Variants in CDO1 observed in about 807,000 individuals in gnomAD.
The protein encoded by CDO1 is cysteine dioxygenase type 1.
CDO1 carries 19 observed loss-of-function variants against 24.5 expected under a neutral mutation model. That is an observed-to-expected ratio of 0.77 (90% CI 0.54 to 1.14). CDO1 has a LOEUF of 1.14. CDO1 is among the 50% of genes most tolerant of loss of function. CDO1 has a pLI of 0.00. For missense variants in CDO1, 244 were observed against 244.8 expected (o/e 1.00, Z 0.02); for synonymous variants, 91 against 87.0 (o/e 1.05, Z -0.26).
chr5:115,812,282 A>C (rs1209358495), intron 2 of CDO1, among the ~76,000 whole-genome samples: 1 of 152,180 alleles, frequency 6.6e-6, no homozygotes, highest in African/African-American at 2.4e-5. Context: ...ATGGATCTAA[A>C]TTATTGCTTT....
At chr5:115,813,297 T>G (rs1580545067) in intron 1 of CDO1, 39 bp from the exon 2 acceptor site, 1 of 1,137,436 alleles carries the variant, frequency 8.8e-7, no homozygotes, top group Non-Finnish European at 1.3e-6. Context: ...TTAAGTTCGT[T>G]GCTGAAACAA....
intron 3 of CDO1, among the ~76,000 whole-genome samples, chr5:115,807,635 T>C (rs1393448364): frequency 7.4e-6 from 1 of 135,870 alleles, no homozygotes; most frequent in Non-Finnish European, 1.6e-5. Context: ...TGAGGAAGAC[T>C]CAAAGAACAA....
chr5:115,816,414 TGC>T lies in CDO1; in HGVS notation c.-19_-18del. On this transcript the variant is annotated 5_prime_UTR_variant, in exon 1 of 5. Coordinates refer to ENST00000250535, the MANE Select transcript of CDO1 (RefSeq NM_001801.3). Reference sequence around the variant, plus strand: ...CTGTTCCATCTCGTGGGGAGCTGGCTGCGCGCGCGTCTCACTGCTGGGCTGCG... The same window carrying T: ...CTGTTCCATCTCGTGGGGAGCTGGCTGCGCGCGTCTCACTGCTGGGCTGCG... 1 of 1,610,194 alleles carries T rather than the reference TGC, an allele frequency of 6.2e-7. No homozygotes were observed. The highest frequency in any genetic ancestry group is 1.3e-5 in the African/African-American group (1 of 74,994).
chr5:115,808,576 G>C (rs918383947), intron 3 of CDO1, among the ~76,000 whole-genome samples: 3 of 151,964 alleles, frequency 2.0e-5, no homozygotes, highest in African/African-American at 7.3e-5. Context: ...AACAGCAAAG[G>C]GAAAGCTTGA....
Position 115,806,384 on chromosome 5 carries a change from T to G in CDO1, c.538A>C (p.Thr180Pro), listed in dbSNP as rs375188135. 1.9e-6 allele frequency: 3 copies of G among 1,607,842 alleles called. No individual in the cohort carries two copies. In the African/African-American group the frequency reaches 4.0e-5, roughly 22 times the overall value. ...CTGATTCCAAATTTACTATGGAATG[T>G]CATTGTGACTTTGTTTTTATGTCCT... ...RTGHKNKVTM[T>P]FHSKFGIRTP... The change falls in exon 4 of 5, where the codon ACA becomes CCA. Residue 180 changes from threonine to proline, a missense_variant. Coordinates refer to ENST00000250535, the MANE Select transcript of CDO1 (RefSeq NM_001801.3).
At position 115,812,317 on chromosome 5, in the gene CDO1, T is replaced by C. The variant is rs545612093; in HGVS notation, c.248+864A>G. On this transcript the variant is annotated intron_variant, in intron 2 of 4. Coordinates refer to ENST00000250535, the MANE Select transcript of CDO1 (RefSeq NM_001801.3). ...TTACCATTCTCAAGACTGAGAAAGGTATGTTTCAAAAGAGAGTAATACTTA... is the reference window on the plus strand; with the variant it reads ...TTACCATTCTCAAGACTGAGAAAGGCATGTTTCAAAAGAGAGTAATACTTA... Among the ~76,000 whole-genome samples, 3 of 152,334 alleles carry C rather than the reference T, an allele frequency of 2.0e-5. No homozygotes were observed. In the East Asian group the frequency reaches 5.8e-4, roughly 29 times the overall value.
At chr5:115,816,096 A>G (rs1580549563) in intron 1 of CDO1, 132 bp downstream of exon 1, 17 of 488,038 alleles carry the variant, frequency 3.5e-5, no homozygotes, top group East Asian at 1.9e-4. Flanking sequence ...CTGGCCAGCG[A>G]GGGGGCGAGC....
Position 115,813,279 on chromosome 5 carries a change from C to A in CDO1, c.171-21G>T, listed in dbSNP as rs758666566. The A allele has an allele frequency of 2.9e-6, 4 of 1,376,286 alleles. No homozygotes were observed. The Admixed American group carries it at 6.9e-5, about 24-fold the overall frequency. The allele number at this position is 1,376,286 out of a possible 1,614,324, so 85.3% of individuals were successfully genotyped here. A position where few individuals can be genotyped will look rare whatever the true frequency, so the allele number is the denominator to read the frequency against. On this transcript the variant is annotated intron_variant, in intron 1 of 4. Transcript: ENST00000250535. The stretch of plus-strand genomic sequence containing the variant: ...TATACCTAAAAAAAAACAATATATT[C>A]AGAAGTTTTAAGTTCGTTGCTGAAA...
chr5:115,813,232 C>G lies in CDO1; in HGVS notation c.197G>C (p.Gly66Ala), dbSNP rs147725758. The change falls in exon 2 of 5, where the codon GGA becomes GCA. Residue 66 changes from glycine to alanine, a missense_variant. Physicochemically the swap from Gly to Ala is moderately conservative, Grantham distance 60. Coordinates refer to ENST00000250535, the MANE Select transcript of CDO1 (RefSeq NM_001801.3). ...AATCATCAGATTAAATTTTCCATTT[C>G]CTTGATCCACAAGATTTCGGGTATA... is the stretch of plus-strand genomic sequence containing the variant. Reference protein sequence around the residue: ...YRYTRNLVDQGNGKFNLMILC... With the variant: ...YRYTRNLVDQANGKFNLMILC... 1.2e-6 allele frequency: 2 copies of G among 1,601,452 alleles called. No individual in the cohort carries two copies. The highest frequency in any genetic ancestry group is 2.7e-5 in the African/African-American group (2 of 74,568).
chr5:115,806,298 G>A, intron 4 of CDO1, 51 bp downstream of exon 4: 2 of 1,329,318 alleles, frequency 1.5e-6, no homozygotes, highest in Non-Finnish European at 2.1e-6. Context: ...TACATGCAGT[G>A]TAACAGTGCC....
chr5:115,809,285 C>T (rs1760085047), intron 3 of CDO1, among the ~76,000 whole-genome samples: 1 of 151,696 alleles, frequency 6.6e-6, no homozygotes, highest in South Asian at 2.1e-4. Flanking sequence ...CATGGTGTAC[C>T]CTCTGTCACA....
rs1202829564 is a variant in CDO1, at chr5:115,813,247, T to G, written c.182A>C (p.Asn61Thr). 3.8e-6 allele frequency: 6 copies of G among 1,585,574 alleles called. No homozygotes were observed. Among genetic ancestry groups the G allele is most frequent in the Non-Finnish European group, 5.2e-6 (6 of 1,154,594 alleles). Reference protein sequence around the residue: ...AKFDQYRYTRNLVDQGNGKFN... With the variant: ...AKFDQYRYTRTLVDQGNGKFN... ...TTTTCCATTTCCTTGATCCACAAGATTTCGGGTATACCTAAAAAAAAACAA... is the reference window on the plus strand; with the variant it reads ...TTTTCCATTTCCTTGATCCACAAGAGTTCGGGTATACCTAAAAAAAAACAA... Residue 61 changes from asparagine (N) to threonine (T), a missense_variant, in exon 2 of 5, where the codon AAT becomes ACT. Asn to Thr is a moderately conservative substitution (Grantham distance 65). Transcript: ENST00000250535.
At chr5:115,814,959 A>G (rs941705688) in intron 1 of CDO1, among the ~76,000 whole-genome samples, 37 of 152,184 alleles carry the variant, frequency 2.4e-4, no homozygotes, top group Admixed American at 2.4e-3. Flanking sequence ...TTTCACGGCT[A>G]CAGAAGGGCT....
intron 3 of CDO1, among the ~76,000 whole-genome samples, chr5:115,806,855 T>C (rs1759969856): frequency 6.6e-6 from 1 of 152,204 alleles, no homozygotes; most frequent in Admixed American, 6.5e-5. Flanking sequence ...AAGCTATCCA[T>C]GGAGAAAACC....
At chr5:115,812,111 T>C (rs1009196453) in intron 2 of CDO1, among the ~76,000 whole-genome samples, 2 of 152,216 alleles carry the variant, frequency 1.3e-5, no homozygotes, top group African/African-American at 4.8e-5. Context: ...AAAAAGAATT[T>C]GTTTCCTAAA....
intron 3 of CDO1, among the ~76,000 whole-genome samples, chr5:115,806,894 C>T (rs1208929363): frequency 6.6e-6 from 1 of 152,156 alleles, no homozygotes; most frequent in East Asian, 1.9e-4. Flanking sequence ...TATCTTGAAA[C>T]TCCAAATAGC....
intron 2 of CDO1, 128 bp downstream of exon 2, chr5:115,813,047 CAAAAAA>C (rs1011228490): frequency 2.0e-3 from 312 of 152,486 alleles, no homozygotes; most frequent in South Asian, 2.5e-3. Flanking sequence ...ACCACTGTCT[CAAAAAA>C]AAAAAAAAAA....
At position 115,807,818 on chromosome 5, in the gene CDO1, A is replaced by G. The variant is rs116288019; in HGVS notation, c.404-1300T>C. Reference sequence around the variant, plus strand: ...CACGAATTCCCAGATTTAAAAACCCACTGAGTACCCAGCACAATGAATGAG... The same window carrying G: ...CACGAATTCCCAGATTTAAAAACCCGCTGAGTACCCAGCACAATGAATGAG... On this transcript the variant is annotated intron_variant, in intron 3 of 4. Coordinates refer to ENST00000250535, the MANE Select transcript of CDO1 (RefSeq NM_001801.3). Among the ~76,000 whole-genome samples the G allele has an allele frequency of 6.4e-3, 976 of 152,256 alleles. 3 individuals are homozygous for G. Among genetic ancestry groups the G allele is most frequent in the Non-Finnish European group, 9.3e-3 (632 of 68,028 alleles).
rs778855030 is a variant in CDO1, at chr5:115,813,254, T to C, written c.175A>G (p.Thr59Ala). The C allele has an allele frequency of 6.4e-7, 1 of 1,567,396 alleles. No individual in the cohort carries two copies. Among genetic ancestry groups the C allele is most frequent in the Non-Finnish European group, 8.8e-7 (1 of 1,138,654 alleles). ...MYAKFDQYRY[T>A]RNLVDQGNGK... Reference sequence around the variant, plus strand: ...TTTCCTTGATCCACAAGATTTCGGGTATACCTAAAAAAAAACAATATATTC... The same window carrying C: ...TTTCCTTGATCCACAAGATTTCGGGCATACCTAAAAAAAAACAATATATTC... The change falls in exon 2 of 5, where the codon ACC becomes GCC. Residue 59 changes from threonine (T) to alanine (A), a missense_variant. By Grantham distance (58) the Thr-to-Ala change is moderately conservative. Coordinates refer to ENST00000250535, the MANE Select transcript of CDO1 (RefSeq NM_001801.3).
Sources: allele counts gnomAD v4.1 joint callset (sites outside exome capture counted in the v4.1 genomes callset), GRCh38; gene constraint gnomAD v4.1.1; transcripts MANE v1.5; gene names NCBI Gene and HGNC (gene_info 2026-07-23, HGNC 2026-07-21).